The following MSH3 variants were observed in gnomAD, a reference collection of about 807,000 sequenced individuals.
MSH3 encodes the protein DNA mismatch repair protein Msh3.
A neutral mutation model predicts 123.3 loss-of-function variants in MSH3; 106 were observed. The ratio of observed to expected loss-of-function variants is 0.86; its 90% CI spans 0.73 to 1.01. The LOEUF (loss-of-function observed/expected upper bound fraction) is 1.01, where lower values mean the gene tolerates loss of function less well. Ranked by LOEUF, MSH3 falls within the 50% of genes least tolerant of loss-of-function variation. The pLI, the probability that MSH3 is intolerant of heterozygous loss-of-function variation, is 0.00. For synonymous variants in MSH3, 515 were observed against 481.4 expected (o/e 1.07, Z -0.91); for missense variants, 1,459 against 1,347.6 (o/e 1.08, Z -1.29).
intron 19 of MSH3, among the ~76,000 whole-genome samples, chr5:80,811,337 A>G (rs950992442): frequency 1.3e-5 from 2 of 152,018 alleles, no homozygotes; most frequent in African/African-American, 4.8e-5. Context: ...GTTATTGGAG[A>G]TAATTGTATG....
intron 19 of MSH3, 136 bp from the exon 20 acceptor site, chr5:80,813,448 G>C: frequency 1.2e-6 from 1 of 857,028 alleles, no homozygotes; most frequent in South Asian, 1.5e-5. Flanking sequence ...GTTGAAGACA[G>C]AGGACCGCTT....
In MSH3 at chr5:80,709,482, C is replaced by T. The variant is rs181471503; in HGVS notation, c.1341-15971C>T. Among the ~76,000 whole-genome samples the T allele has an allele frequency of 3.8e-3, 584 of 152,118 alleles. 4 individuals are homozygous for T. Among genetic ancestry groups the T allele is most frequent in the African/African-American group, 0.013 (543 of 41,500 alleles). On this transcript the variant is annotated intron_variant, in intron 8 of 23. Transcript: ENST00000265081. ...CTAAAAATACAAAAAATTAGCCTAGCGCAGTGGCGGGTGCCTGTAGTCCCA... is the reference window on the plus strand; with the variant it reads ...CTAAAAATACAAAAAATTAGCCTAGTGCAGTGGCGGGTGCCTGTAGTCCCA...
chr5:80,767,892 T>C lies in MSH3; in HGVS notation c.1897-41T>C, dbSNP rs767911868. ...AGTCACTAATTAAACTTCATTTTCA[T>C]GTATCTTATGCTATTTCATAAAAAA... On this transcript the variant is annotated intron_variant, in intron 13 of 23. Transcript: ENST00000265081. 7.5e-6 allele frequency: 11 copies of C among 1,458,586 alleles called. No homozygotes were observed. The highest frequency in any genetic ancestry group is 3.4e-5 in the Admixed American group (2 of 59,148). The allele number at this position is 1,458,586 out of a possible 1,614,324, so 90.4% of individuals were successfully genotyped here. A position where few individuals can be genotyped will look rare whatever the true frequency, so the allele number is the denominator to read the frequency against.
intron 22 of MSH3, among the ~76,000 whole-genome samples, chr5:80,868,308 C>T (rs1007217478): frequency 1.3e-4 from 19 of 151,750 alleles, no homozygotes; most frequent in African/African-American, 3.9e-4. Context: ...GTCATAAAGA[C>T]GCATGCACAC....
chr5:80,834,681 TTAAAAA>T (rs1745479245), intron 20 of MSH3, among the ~76,000 whole-genome samples: 3 of 149,096 alleles, frequency 2.0e-5, no homozygotes, highest in African/African-American at 4.9e-5. Flanking sequence ...ATAATAATAC[TTAAAAA>T]TAATAAAGTA....
chr5:80,672,725 C>G lies in MSH3; in HGVS notation c.910-16C>G. ...TTTTTATCCTTTGATAGCAATATTT[C>G]TTATTTTTGTTGAAGGTGGGAGTTG... is the stretch of plus-strand genomic sequence containing the variant. On this transcript the variant is annotated splice_polypyrimidine_tract_variant and intron_variant, in intron 5 of 23. Transcript: ENST00000265081. 6.3e-7 allele frequency: 1 copy of G among 1,591,668 alleles called. No individual in the cohort carries two copies. The highest frequency in any genetic ancestry group is 8.6e-7 in the Non-Finnish European group (1 of 1,159,686).
chr5:80,710,025 GT>G (rs1310073976), intron 8 of MSH3, among the ~76,000 whole-genome samples: 2 of 152,182 alleles, frequency 1.3e-5, no homozygotes, highest in Non-Finnish European at 2.9e-5. Flanking sequence ...TTCTAAAGCT[GT>G]CCCACTTCTT....
At chr5:80,856,557 G>T (rs1235696964) in intron 21 of MSH3, among the ~76,000 whole-genome samples, 2 of 109,046 alleles carry the variant, frequency 1.8e-5, no homozygotes, top group Admixed American at 1.1e-4. Flanking sequence ...GTTGTGGGGT[G>T]GGGGGAGGGG....
intron 7 of MSH3, 118 bp from the exon 8 acceptor site, chr5:80,678,809 A>G: frequency 2.7e-6 from 3 of 1,092,714 alleles, no homozygotes; most frequent in African/African-American, 3.1e-5. Flanking sequence ...CTTTAGAAAT[A>G]GAGTACATAC....
intron 8 of MSH3, among the ~76,000 whole-genome samples, chr5:80,712,286 AT>A (rs1339383337): frequency 6.6e-6 from 1 of 152,078 alleles, no homozygotes; most frequent in Non-Finnish European, 1.5e-5. Flanking sequence ...ATGCCATTTT[AT>A]TTTTTAATAA....
chr5:80,700,304 C>T (rs1169451219), intron 8 of MSH3, among the ~76,000 whole-genome samples: 1 of 152,154 alleles, frequency 6.6e-6, no homozygotes, highest in Non-Finnish European at 1.5e-5. Context: ...TTGTTCGAAC[C>T]TGGGAGGCAG....
chr5:80,875,243 G>T (rs1342120459), intron 23 of MSH3, among the ~76,000 whole-genome samples: 1 of 152,098 alleles, frequency 6.6e-6, no homozygotes, highest in Non-Finnish European at 1.5e-5. Context: ...CTACTTGATG[G>T]TGGAGCAGTA....
intron 8 of MSH3, among the ~76,000 whole-genome samples, chr5:80,698,936 A>C (rs1750546257): frequency 6.6e-6 from 1 of 152,212 alleles, no homozygotes; most frequent in Non-Finnish European, 1.5e-5. Context: ...TGTACCCTAG[A>C]ACTTAAAGTA....
chr5:80,693,591 A>ATATATGCACATGTATGTGTT (rs1580567277), intron 8 of MSH3, among the ~76,000 whole-genome samples: 3 of 107,328 alleles, frequency 2.8e-5, no homozygotes, highest in African/African-American at 1.1e-4. Flanking sequence ...GTATATAAAT[A>ATATATGCACATGTATGTGTT]TATATAAACA....
chr5:80,773,298 A>T (rs1049179721), intron 15 of MSH3, among the ~76,000 whole-genome samples: 1 of 152,212 alleles, frequency 6.6e-6, no homozygotes, highest in African/African-American at 2.4e-5. Flanking sequence ...ATTATTTAGC[A>T]CAGTTTAAAA....
chr5:80,779,337 A>C (rs191498325), intron 17 of MSH3, among the ~76,000 whole-genome samples: 120 of 152,052 alleles, frequency 7.9e-4, no homozygotes, highest in African/African-American at 2.8e-3. Flanking sequence ...ATGACCCTCT[A>C]TACACCCTTC....
At chr5:80,762,890 A>C (rs1744066413) in intron 13 of MSH3, among the ~76,000 whole-genome samples, 1 of 151,112 alleles carries the variant, frequency 6.6e-6, no homozygotes, top group Non-Finnish European at 1.5e-5. Flanking sequence ...CTCGTCACCC[A>C]GGCTGGAGTG....
intron 8 of MSH3, among the ~76,000 whole-genome samples, chr5:80,700,113 C>T (rs1750574719): frequency 6.6e-6 from 1 of 152,138 alleles, no homozygotes; most frequent in Non-Finnish European, 1.5e-5. Flanking sequence ...GGCAGGGTGG[C>T]TCATGCCTAA....
intron 20 of MSH3, among the ~76,000 whole-genome samples, chr5:80,833,535 C>T (rs777242100): frequency 9.2e-5 from 14 of 152,172 alleles, no homozygotes; most frequent in Non-Finnish European, 1.3e-4. Context: ...CTCCACCTCC[C>T]GGGTTCAAGT....
Sources: allele counts gnomAD v4.1 joint callset (sites outside exome capture counted in the v4.1 genomes callset), GRCh38; gene constraint gnomAD v4.1.1; transcripts MANE v1.5; gene names NCBI Gene and HGNC (gene_info 2026-07-23, HGNC 2026-07-21).